Variants in AFAP1 observed in about 807,000 individuals in gnomAD.
AFAP1 encodes actin filament-associated protein 1.
Under a neutral mutation model 93.9 loss-of-function variants are expected in AFAP1, and 75 were observed. That is an observed-to-expected ratio of 0.80 (90% CI 0.66 to 0.97). AFAP1 has a LOEUF of 0.97. Ranked by LOEUF, AFAP1 falls within the 50% of genes least tolerant of loss-of-function variation. The probability of loss-of-function intolerance (pLI) is 0.00; values close to 1 mark genes in which losing one functional copy is unlikely to be tolerated. For missense variants in AFAP1, 1,201 were observed against 1,050.8 expected, an observed-to-expected ratio of 1.14 and a Z score of -1.98; for synonymous variants, 517 against 430.7, an observed-to-expected ratio of 1.20 and a Z score of -2.48.
intron 1 of AFAP1, among the ~76,000 whole-genome samples, chr4:7,936,279 CAG>C (rs796308023): frequency 7.9e-5 from 12 of 152,304 alleles, no homozygotes; most frequent in African/African-American, 2.9e-4. Flanking sequence ...CCTTACCAAA[CAG>C]ATAAATTGGA....
chr4:7,803,983 G>A (rs1719275460), intron 9 of AFAP1, among the ~76,000 whole-genome samples: 1 of 152,136 alleles, frequency 6.6e-6, no homozygotes, highest in Non-Finnish European at 1.5e-5. Context: ...TTCTCAAAAT[G>A]GGGAGGCCCA....
intron 4 of AFAP1, among the ~76,000 whole-genome samples, chr4:7,845,923 G>C (rs1713640098): frequency 6.6e-6 from 1 of 152,190 alleles, no homozygotes; most frequent in Non-Finnish European, 1.5e-5. Flanking sequence ...CAAAATGCAA[G>C]CTGTCATGGA....
chr4:7,821,836 T>C (rs1161841731), intron 6 of AFAP1, among the ~76,000 whole-genome samples: 1 of 152,230 alleles, frequency 6.6e-6, no homozygotes, highest in Non-Finnish European at 1.5e-5. Context: ...CCAGCCATTT[T>C]GCTCCTCAGC....
intron 1 of AFAP1, among the ~76,000 whole-genome samples, chr4:7,916,182 A>G (rs1201862161): frequency 1.3e-5 from 2 of 152,232 alleles, no homozygotes; most frequent in African/African-American, 2.4e-5. Context: ...ACCACGGCAC[A>G]AAAGTGACCC....
At chr4:7,825,954 T>TAA (rs56032709) in intron 6 of AFAP1, among the ~76,000 whole-genome samples, 21,095 of 133,578 alleles carry the variant, frequency 0.16, 1,743 homozygotes, top group East Asian at 0.27. Context: ...TGGATATGCT[T>TAA]AAAAAAAAAA....
rs1009598448 is a variant in AFAP1 at position 7,810,338 on chromosome 4, A to G, written c.905-575T>C. On this transcript the variant is annotated intron_variant, in intron 8 of 17. Coordinates refer to ENST00000420658, the MANE Select transcript of AFAP1 (RefSeq NM_001134647.2). ...GGCGGTCAGAGAAAGCCTGTCCAGGAGTTGACTTAAGTTAATAATTAGCCA... is the reference window on the plus strand; with the variant it reads ...GGCGGTCAGAGAAAGCCTGTCCAGGGGTTGACTTAAGTTAATAATTAGCCA... Among the ~76,000 whole-genome samples the G allele has an allele frequency of 2.6e-5, 4 of 152,308 alleles. No homozygotes were observed. The East Asian group carries it at 7.7e-4, about 29-fold the overall frequency.
chr4:7,827,723 C>T (rs979610452), intron 6 of AFAP1, among the ~76,000 whole-genome samples: 1 of 151,898 alleles, frequency 6.6e-6, no homozygotes, highest in South Asian at 2.1e-4. Context: ...CACCACCGCA[C>T]TGAGACACAT....
Position 7,855,398 on chromosome 4 carries a change from G to C in AFAP1, c.334+68C>G. ...CCCTGTTGCCCTTCCTACCCAGAAA[G>C]GGGACAGGCTCTGCAACAGTCCTGC... is the stretch of plus-strand genomic sequence containing the variant. On this transcript the variant is annotated intron_variant, in intron 4 of 17. Transcript: ENST00000420658. 3 of 1,262,044 alleles carry C rather than the reference G, an allele frequency of 2.4e-6. No homozygotes were observed. The South Asian group carries it at 4.2e-5, about 18-fold the overall frequency. The allele number at this position is 1,262,044 out of a possible 1,614,324, so 78.2% of individuals were successfully genotyped here.
intron 1 of AFAP1, 122 bp from the exon 2 acceptor site, chr4:7,872,202 C>A: frequency 7.9e-7 from 1 of 1,272,912 alleles, no homozygotes. Context: ...GTATTCTGAC[C>A]TAAAAAACAA....
At chr4:7,790,211 C>G (rs979867082) in intron 11 of AFAP1, among the ~76,000 whole-genome samples, 2 of 152,306 alleles carry the variant, frequency 1.3e-5, no homozygotes, top group African/African-American at 4.8e-5. Context: ...CATCTCATCT[C>G]TCTTAAGTGT....
intron 1 of AFAP1, among the ~76,000 whole-genome samples, chr4:7,933,629 C>T (rs996656627): frequency 2.6e-5 from 4 of 152,258 alleles, no homozygotes; most frequent in East Asian, 1.9e-4. Context: ...AAGAGAAATG[C>T]GCCCAGGGGA....
At chr4:7,820,644 C>A (rs138318878) in intron 6 of AFAP1, among the ~76,000 whole-genome samples, 1 of 152,000 alleles carries the variant, frequency 6.6e-6, no homozygotes, top group Non-Finnish European at 1.5e-5. Context: ...CTAAGGGAAG[C>A]GGAGAGACTA....
intron 1 of AFAP1, among the ~76,000 whole-genome samples, chr4:7,915,835 T>G (rs1349128645): frequency 2.0e-5 from 3 of 152,230 alleles, no homozygotes; most frequent in Non-Finnish European, 4.4e-5. Context: ...CTTTCTCACT[T>G]TCCCAGGCTC....
At chr4:7,831,806 G>T (rs908159146) in intron 6 of AFAP1, among the ~76,000 whole-genome samples, 3 of 152,192 alleles carry the variant, frequency 2.0e-5, no homozygotes, top group Non-Finnish European at 2.9e-5. Context: ...GTGACCAAAA[G>T]CATGGGATCG....
In AFAP1 at chr4:7,815,255, G is replaced by A. The variant is rs555281781; in HGVS notation, c.904+763C>T. On this transcript the variant is annotated intron_variant, in intron 8 of 17. Coordinates refer to ENST00000420658, the MANE Select transcript of AFAP1 (RefSeq NM_001134647.2). ...TCGGGTGCCAGGGGCTGGGGGAGGAGGGAATGGGGAGTCAGTGTTTAAAAG... is the reference window on the plus strand; with the variant it reads ...TCGGGTGCCAGGGGCTGGGGGAGGAAGGAATGGGGAGTCAGTGTTTAAAAG... 2.3e-4 allele frequency among the ~76,000 whole-genome samples: 34 copies of A among 148,170 alleles called. No homozygotes were observed. In the East Asian group the frequency reaches 6.4e-3, roughly 28 times the overall value.
At chr4:7,867,935 A>T (rs1469353962) in intron 3 of AFAP1, among the ~76,000 whole-genome samples, 2 of 152,180 alleles carry the variant, frequency 1.3e-5, no homozygotes, top group Non-Finnish European at 2.9e-5. Flanking sequence ...GATGATTCAC[A>T]CTGAAAGCAA....
intron 1 of AFAP1, among the ~76,000 whole-genome samples, chr4:7,903,822 G>GCT (rs1719251992): frequency 6.6e-6 from 1 of 152,230 alleles, no homozygotes; most frequent in Non-Finnish European, 1.5e-5. Flanking sequence ...AAAAAAAGGA[G>GCT]GCGGGCGGGC....
chr4:7,814,087 CA>C (rs1299698421), intron 8 of AFAP1, among the ~76,000 whole-genome samples: 1 of 152,178 alleles, frequency 6.6e-6, no homozygotes, highest in East Asian at 1.9e-4. Context: ...ATTAAAAGTC[CA>C]GCCACAGATT....
At chr4:7,903,178 G>GATTC (rs368127735) in intron 1 of AFAP1, among the ~76,000 whole-genome samples, 1 of 152,152 alleles carries the variant, frequency 6.6e-6, no homozygotes, top group East Asian at 1.9e-4. Flanking sequence ...TCAGCCAATT[G>GATTC]ATTCATTCAT....
Sources: gnomAD v4.1 joint callset for allele counts (sites outside exome capture counted in the v4.1 genomes callset) on GRCh38, gnomAD v4.1.1 for gene constraint, MANE v1.5 for transcripts, NCBI Gene and HGNC (gene_info 2026-07-23, HGNC 2026-07-21) for gene names.